PANX1: variants seen among roughly 807,000 people sequenced by gnomAD.
The protein encoded by PANX1 is pannexin-1.
PANX1 carries 30 observed loss-of-function variants against 38.7 expected under a neutral mutation model. That is an observed-to-expected ratio of 0.78 (90% CI 0.58 to 1.05). The LOEUF (loss-of-function observed/expected upper bound fraction) is 1.05, where lower values mean the gene tolerates loss of function less well. Among genes scored for constraint, PANX1 ranks in the 50% least tolerant of loss-of-function variants. The pLI is 0.00. For synonymous variants in PANX1, 230 were observed against 212.2 expected, an observed-to-expected ratio of 1.08 and a Z score of -0.73; for missense variants, 551 against 517.2, an observed-to-expected ratio of 1.07 and a Z score of -0.63.
At chr11:94,132,659 C>A (rs1946643915) in intron 1 of PANX1, among the ~76,000 whole-genome samples, 1 of 151,984 alleles carries the variant, frequency 6.6e-6, no homozygotes, top group South Asian at 2.1e-4. Flanking sequence ...ACATGTTTTT[C>A]CTTTTTCCAC....
chr11:94,128,981 C>A lies in PANX1; in HGVS notation c.-332C>A. On this transcript the variant is annotated 5_prime_UTR_variant, in exon 1 of 5. Coordinates refer to ENST00000227638, the MANE Select transcript of PANX1 (RefSeq NM_015368.4). Reference sequence around the variant, plus strand: ...GAAGCGCTTTGTTCCGCGCGTGGTTCCCGCGCCTGGGGGTGCGCGGGAGAG... The same window carrying A: ...GAAGCGCTTTGTTCCGCGCGTGGTTACCGCGCCTGGGGGTGCGCGGGAGAG... The A allele has an allele frequency of 5.1e-6, 1 of 197,750 alleles. No individual in the cohort carries two copies. The highest frequency in any genetic ancestry group is 1.0e-5 in the Non-Finnish European group (1 of 98,606). The allele number at this position is 197,750 out of a possible 1,614,324, so 12.2% of individuals were successfully genotyped here.
chr11:94,164,565 A>G (rs1370328412), intron 2 of PANX1, among the ~76,000 whole-genome samples: 1 of 152,152 alleles, frequency 6.6e-6, no homozygotes, highest in African/African-American at 2.4e-5. Flanking sequence ...TATGATTTCA[A>G]TTATTTTGAA....
Position 94,179,643 on chromosome 11 carries a change from T to C in PANX1, c.587T>C (p.Val196Ala), listed in dbSNP as rs750939259. 3 of 1,613,650 alleles carry C rather than the reference T, an allele frequency of 1.9e-6. No individual in the cohort carries two copies. Among genetic ancestry groups the C allele is most frequent in the South Asian group, 2.2e-5 (2 of 91,006 alleles). ...VSESHFKYPI[V>A]EQYLKTKKNS... Reference sequence around the variant, plus strand: ...GAAAGCCACTTCAAGTACCCAATTGTGGAGCAGTACTTGAAGACAAAGAAA... The same window carrying C: ...GAAAGCCACTTCAAGTACCCAATTGCGGAGCAGTACTTGAAGACAAAGAAA... The change falls in exon 4 of 5, where the codon GTG becomes GCG. Residue 196 changes from valine (V) to alanine (A), a missense_variant. Transcript: ENST00000227638.
intron 1 of PANX1, among the ~76,000 whole-genome samples, chr11:94,136,961 A>G (rs1274703129): frequency 6.6e-6 from 1 of 152,050 alleles, no homozygotes; most frequent in African/African-American, 2.4e-5. Context: ...GCGGAAGGCA[A>G]ACAGGGAGCA....
intron 1 of PANX1, among the ~76,000 whole-genome samples, chr11:94,133,994 C>T (rs1420594047): frequency 1.3e-5 from 2 of 151,560 alleles, no homozygotes; most frequent in Non-Finnish European, 2.9e-5. Flanking sequence ...CTGGGTCAGG[C>T]CTGTCCTGGC....
At chr11:94,129,707 G>C (rs1946603855) in intron 1 of PANX1, among the ~76,000 whole-genome samples, 2 of 152,162 alleles carry the variant, frequency 1.3e-5, no homozygotes, top group African/African-American at 4.8e-5. Flanking sequence ...CTACTCCTCA[G>C]TTCTTTTGTT....
At chr11:94,143,824 C>T (rs188486977) in intron 1 of PANX1, among the ~76,000 whole-genome samples, 5 of 151,968 alleles carry the variant, frequency 3.3e-5, no homozygotes, top group Admixed American at 1.3e-4. Context: ...ACACGGCTCA[C>T]TGCAGCCTTG....
chr11:94,140,527 A>G (rs1043697267), intron 1 of PANX1, among the ~76,000 whole-genome samples: 1 of 152,208 alleles, frequency 6.6e-6, no homozygotes, highest in African/African-American at 2.4e-5. Context: ...ATCTTTTTAA[A>G]TGTGCCACAA....
chr11:94,166,447 C>CT (rs1183861593), intron 2 of PANX1, among the ~76,000 whole-genome samples: 3 of 152,136 alleles, frequency 2.0e-5, no homozygotes, highest in East Asian at 1.9e-4. Flanking sequence ...AGGTTGGAAG[C>CT]TTTTTTCCTT....
intron 2 of PANX1, among the ~76,000 whole-genome samples, chr11:94,161,166 T>G (rs1219847206): frequency 1.3e-5 from 2 of 152,246 alleles, no homozygotes; most frequent in Admixed American, 6.5e-5. Context: ...CATTTTTTCC[T>G]TCATTTCAAC....
intron 1 of PANX1, among the ~76,000 whole-genome samples, chr11:94,132,448 T>C (rs61739626): frequency 0.012 from 1,873 of 152,242 alleles, 29 homozygotes; most frequent in African/African-American, 0.042. Context: ...TGGAGCAGTG[T>C]TGGCTGAAGC....
At chr11:94,164,733 T>C (rs900054564) in intron 2 of PANX1, among the ~76,000 whole-genome samples, 3 of 152,218 alleles carry the variant, frequency 2.0e-5, no homozygotes, top group African/African-American at 7.2e-5. Flanking sequence ...GATATTTCTT[T>C]ATTTTTTGTC....
rs147478824 is a variant in PANX1 at position 94,166,978 on chromosome 11, T to C, written c.322-11391T>C. On this transcript the variant is annotated intron_variant, in intron 2 of 4. Transcript: ENST00000227638. ...TGTCCTGATTGGCACTCAGATTTAT[T>C]TGGGGCCCTAAGTCACTTTAGTCAG... Among the ~76,000 whole-genome samples the C allele has an allele frequency of 3.2e-3, 467 of 144,520 alleles. 2 individuals carry two copies. Among genetic ancestry groups the C allele is most frequent in the African/African-American group, 0.01 (414 of 40,950 alleles). 94.8% of individuals were successfully genotyped at this position (144,520 alleles called of 152,430 possible). A position where few individuals can be genotyped will look rare whatever the true frequency, so the allele number is the denominator to read the frequency against.
At chr11:94,161,269 C>G (rs1257543975) in intron 2 of PANX1, among the ~76,000 whole-genome samples, 1 of 152,168 alleles carries the variant, frequency 6.6e-6, no homozygotes, top group Non-Finnish European at 1.5e-5. Flanking sequence ...TGAATGTTGG[C>G]CTGACTTGCT....
At chr11:94,159,448 CAG>C (rs1946993864) in intron 2 of PANX1, among the ~76,000 whole-genome samples, 1 of 152,138 alleles carries the variant, frequency 6.6e-6, no homozygotes, top group African/African-American at 2.4e-5. Context: ...TTGGTCTATT[CAG>C]AGATTCAACT....
At chr11:94,156,625 C>T (rs1023238343) in intron 2 of PANX1, among the ~76,000 whole-genome samples, 3 of 152,036 alleles carry the variant, frequency 2.0e-5, no homozygotes, top group African/African-American at 7.2e-5. Flanking sequence ...GTCTGGTCTA[C>T]TTGCCTGCCA....
chr11:94,150,924 G>C (rs1946877117), intron 1 of PANX1, among the ~76,000 whole-genome samples: 1 of 152,176 alleles, frequency 6.6e-6, no homozygotes, highest in African/African-American at 2.4e-5. Flanking sequence ...GGGTGGCCTT[G>C]CAGGGGTGAC....
At chr11:94,171,916 T>C (rs1015663007) in intron 2 of PANX1, among the ~76,000 whole-genome samples, 3 of 150,230 alleles carry the variant, frequency 2.0e-5, no homozygotes, top group Non-Finnish European at 4.4e-5. Flanking sequence ...CTTTTTTTTT[T>C]CCTTTGAGTG....
At chr11:94,143,378 A>G (rs1317282328) in intron 1 of PANX1, among the ~76,000 whole-genome samples, 1 of 152,218 alleles carries the variant, frequency 6.6e-6, no homozygotes, top group Non-Finnish European at 1.5e-5. Context: ...AATTCATGAT[A>G]AGTGCATGGA....
Sources: gnomAD v4.1 joint callset for allele counts (sites outside exome capture counted in the v4.1 genomes callset) on GRCh38, gnomAD v4.1.1 for gene constraint, MANE v1.5 for transcripts, NCBI Gene and HGNC (gene_info 2026-07-23, HGNC 2026-07-21) for gene names.